QTMAN: variants seen among roughly 807,000 people sequenced by gnomAD.
QTMAN encodes the protein queuosine-tRNA mannosyltransferase, also known as tRNA-queuosine alpha-mannosyltransferase.
chr2:144,284,586 T>TAGAATAATTGTATAA, the QTMAN span, among the ~76,000 whole-genome samples: 2 of 152,156 alleles, frequency 1.3e-5, no homozygotes, highest in African/African-American at 4.8e-5. Flanking sequence ...GTATGTCACT[T>TAGAATAATTGTATAA]CTACAATTAT....
the QTMAN span, among the ~76,000 whole-genome samples, chr2:144,084,150 TG>T: frequency 6.6e-6 from 1 of 152,194 alleles, no homozygotes; most frequent in African/African-American, 2.4e-5. Context: ...TTATGCCATG[TG>T]CCACGAGGAC....
At chr2:144,222,578 G>A in the QTMAN span, among the ~76,000 whole-genome samples, 123 of 151,638 alleles carry the variant, frequency 8.1e-4, 2 homozygotes, top group Middle Eastern at 6.8e-3. Flanking sequence ...AGGCCGAGGC[G>A]GGCGGATCAC....
the QTMAN span, among the ~76,000 whole-genome samples, chr2:143,974,706 TTTG>T: frequency 6.6e-6 from 1 of 151,920 alleles, no homozygotes; most frequent in African/African-American, 2.4e-5. Flanking sequence ...TTTCTTTCTT[TTTG>T]TTTTTTTTTG....
the QTMAN span, among the ~76,000 whole-genome samples, chr2:144,023,313 A>G: frequency 6.6e-6 from 1 of 152,312 alleles, no homozygotes; most frequent in East Asian, 1.9e-4. Flanking sequence ...AAAAGGAAAA[A>G]AAAAGAAAAG....
At chr2:144,317,435 G>GGAAGGA in the QTMAN span, 5 of 66,054 alleles carry the variant, frequency 7.6e-5, no homozygotes, top group East Asian at 5.6e-4. Context: ...GGAAGGAAGG[G>GGAAGGA]ACAATAAAAT....
the QTMAN span, among the ~76,000 whole-genome samples, chr2:144,141,416 T>C: frequency 6.6e-6 from 1 of 150,900 alleles, no homozygotes; most frequent in Non-Finnish European, 1.5e-5. Context: ...TAAGATAATA[T>C]AAATAATTAA....
At chr2:144,160,624 G>GT in the QTMAN span, among the ~76,000 whole-genome samples, 4 of 152,258 alleles carry the variant, frequency 2.6e-5, no homozygotes, top group East Asian at 7.7e-4. Flanking sequence ...ACTTAAGACT[G>GT]TAACGCAGTG....
At chr2:144,105,238 G>T in the QTMAN span, among the ~76,000 whole-genome samples, 7 of 152,226 alleles carry the variant, frequency 4.6e-5, no homozygotes, top group Non-Finnish European at 1.0e-4. Flanking sequence ...GCCAGCAACA[G>T]AGCAAAGCTG....
the QTMAN span, among the ~76,000 whole-genome samples, chr2:144,173,736 T>A: frequency 6.6e-6 from 1 of 150,814 alleles, no homozygotes; most frequent in Non-Finnish European, 1.5e-5. Flanking sequence ...TGATATCTGA[T>A]CCCCAATGTT....
chr2:144,280,462 G>T, the QTMAN span, among the ~76,000 whole-genome samples: 3 of 152,130 alleles, frequency 2.0e-5, no homozygotes, highest in Non-Finnish European at 4.4e-5. Context: ...AAAAGGCAGT[G>T]CAGGATTTTG....
the QTMAN span, among the ~76,000 whole-genome samples, chr2:144,298,351 G>A: frequency 6.6e-6 from 1 of 152,128 alleles, no homozygotes; most frequent in African/African-American, 2.4e-5. Flanking sequence ...TAAACAAGCT[G>A]AAGGGGTAAA....
At chr2:144,243,537 T>G in the QTMAN span, among the ~76,000 whole-genome samples, 1 of 152,238 alleles carries the variant, frequency 6.6e-6, no homozygotes, top group Non-Finnish European at 1.5e-5. Context: ...AGCTGTTTAT[T>G]AATAACCTAC....
At chr2:144,099,189 A>C in the QTMAN span, among the ~76,000 whole-genome samples, 1 of 152,256 alleles carries the variant, frequency 6.6e-6, no homozygotes, top group East Asian at 1.9e-4. Context: ...TAAAGTAAGC[A>C]ATGGAGACAT....
chr2:144,251,009 T>C, the QTMAN span, among the ~76,000 whole-genome samples: 134 of 152,126 alleles, frequency 8.8e-4, 1 homozygote, highest in Non-Finnish European at 1.7e-3. Flanking sequence ...ATTTTATAAG[T>C]TAAAACATTA....
At chr2:143,984,023 C>T in the QTMAN span, among the ~76,000 whole-genome samples, 17 of 152,276 alleles carry the variant, frequency 1.1e-4, no homozygotes, top group African/African-American at 3.9e-4. Flanking sequence ...CCATGATTAA[C>T]GCAGTCACCC....
the QTMAN span, among the ~76,000 whole-genome samples, chr2:144,200,387 C>T: frequency 6.6e-6 from 1 of 152,198 alleles, no homozygotes; most frequent in African/African-American, 2.4e-5. Flanking sequence ...AATACAATCA[C>T]ATGAAATTTT....
the QTMAN span, among the ~76,000 whole-genome samples, chr2:144,301,658 A>G: frequency 6.6e-6 from 1 of 152,340 alleles, no homozygotes; most frequent in African/African-American, 2.4e-5. Context: ...TAAACACGGG[A>G]TCATGTACAA....
chr2:144,290,088 C>T, the QTMAN span, among the ~76,000 whole-genome samples: 1 of 152,102 alleles, frequency 6.6e-6, no homozygotes, highest in African/African-American at 2.4e-5. Flanking sequence ...TGTTTCTGTA[C>T]CTCACTTCCG....
the QTMAN span, among the ~76,000 whole-genome samples, chr2:143,994,652 T>G: frequency 1.3e-5 from 2 of 152,158 alleles, no homozygotes; most frequent in South Asian, 2.1e-4. Context: ...AGACCACATA[T>G]TGTATGAATC....
Sources: gnomAD v4.1 joint callset for allele counts (sites outside exome capture counted in the v4.1 genomes callset) on GRCh38, gnomAD v4.1.1 for gene constraint, MANE v1.5 for transcripts, NCBI Gene and HGNC (gene_info 2026-07-23, HGNC 2026-07-21) for gene names.